PRKN: variants seen among roughly 807,000 people sequenced by gnomAD.
PRKN encodes parkin RBR E3 ubiquitin protein ligase, also known as E3 ubiquitin-protein ligase parkin.
A neutral mutation model predicts 59.5 loss-of-function variants in PRKN; 56 were observed. The observed-to-expected ratio is 0.94, with a 90% CI of 0.76 to 1.18. The LOEUF (loss-of-function observed/expected upper bound fraction) is 1.18. Ranked by LOEUF, PRKN falls within the 50% of genes most tolerant of loss-of-function variation. The probability of loss-of-function intolerance (pLI) is 0.00; values close to 1 mark genes in which losing one functional copy is unlikely to be tolerated. For synonymous variants in PRKN, 250 were observed against 222.1 expected (o/e 1.13, Z -1.12); for missense variants, 657 against 596.4 (o/e 1.10, Z -1.06).
intron 6 of PRKN, among the ~76,000 whole-genome samples, chr6:161,865,149 CA>C (rs2128225506): frequency 6.6e-6 from 1 of 152,282 alleles, no homozygotes; most frequent in East Asian, 1.9e-4. Flanking sequence ...TGACCAGGTA[CA>C]TTCTCAGTGA....
chr6:162,673,849 T>G (rs1269080533), intron 1 of PRKN, among the ~76,000 whole-genome samples: 1 of 152,224 alleles, frequency 6.6e-6, no homozygotes, highest in African/African-American at 2.4e-5. Context: ...ACTGCAAGTG[T>G]GGCGGAAGGC....
In PRKN at chr6:162,445,104, C is replaced by T. The variant is rs79657304; in HGVS notation, c.8-1631G>A. Among the ~76,000 whole-genome samples the T allele has an allele frequency of 2.6e-3, 392 of 152,144 alleles. 6 individuals carry two copies. The highest frequency in any genetic ancestry group is 0.025 in the South Asian group (118 of 4,808). On this transcript the variant is annotated intron_variant, in intron 1 of 11. Coordinates refer to ENST00000366898, the MANE Select transcript of PRKN (RefSeq NM_004562.3). ...ATTTCTCAATACCAATGTGAGATGA[C>T]CCACCTCATCATAATTATAATAATC...
rs541633649 is a variant in PRKN, at chr6:161,522,628, G to A, written c.1083+26226C>T. ...ACTGCAACAGCTTCGAGAAGTACAT[G>A]ACAGAAGACATTCTCACTGTCTTGA... On this transcript the variant is annotated intron_variant, in intron 9 of 11. Coordinates refer to ENST00000366898, the MANE Select transcript of PRKN (RefSeq NM_004562.3). Among the ~76,000 whole-genome samples, 4 of 152,356 alleles carry A rather than the reference G, an allele frequency of 2.6e-5. No individual in the cohort carries two copies. In the South Asian group the frequency reaches 6.2e-4, roughly 24 times the overall value.
chr6:162,091,348 A>G (rs1779486773), intron 4 of PRKN, among the ~76,000 whole-genome samples: 1 of 152,196 alleles, frequency 6.6e-6, no homozygotes, highest in Non-Finnish European at 1.5e-5. Context: ...AATACAGTTT[A>G]CTAATAGAGC....
At chr6:162,460,307 T>G (rs571193797) in intron 1 of PRKN, among the ~76,000 whole-genome samples, 55 of 152,260 alleles carry the variant, frequency 3.6e-4, no homozygotes, top group South Asian at 2.7e-3. Flanking sequence ...ATGTCTAGAG[T>G]TGGCAAATCT....
chr6:161,673,552 A>C (rs1173017211), intron 7 of PRKN, among the ~76,000 whole-genome samples: 1 of 152,216 alleles, frequency 6.6e-6, no homozygotes, highest in African/African-American at 2.4e-5. Flanking sequence ...GGAGCTGAGA[A>C]GCCATTGGAG....
At chr6:161,725,003 C>T (rs1179955842) in intron 7 of PRKN, among the ~76,000 whole-genome samples, 3 of 152,180 alleles carry the variant, frequency 2.0e-5, no homozygotes, top group Admixed American at 1.3e-4. Context: ...CACTGTCTTG[C>T]TCTTGCTCTC....
intron 2 of PRKN, among the ~76,000 whole-genome samples, chr6:162,324,665 T>C (rs1232809001): frequency 1.3e-5 from 2 of 152,056 alleles, no homozygotes; most frequent in African/African-American, 4.8e-5. Context: ...CTATAAACTC[T>C]AGTATATATA....
intron 6 of PRKN, among the ~76,000 whole-genome samples, chr6:161,952,053 T>C (rs541948328): frequency 1.3e-4 from 20 of 152,268 alleles, no homozygotes; most frequent in African/African-American, 4.8e-4. Context: ...GACAAGAATG[T>C]TGAAAATTTG....
intron 3 of PRKN, among the ~76,000 whole-genome samples, chr6:162,253,279 A>AAATCTAATCCAATCTAATCT (rs1554291283): frequency 2.0e-5 from 3 of 149,408 alleles, no homozygotes; most frequent in African/African-American, 7.5e-5. Context: ...AACAGGCAAC[A>AAATCTAATCCAATCTAATCT]AATCTAATCT....
chr6:161,673,195 A>G (rs1027365595), intron 7 of PRKN, among the ~76,000 whole-genome samples: 4 of 152,174 alleles, frequency 2.6e-5, no homozygotes, highest in Admixed American at 2.6e-4. Flanking sequence ...CTCATCCAAG[A>G]AGGCAAGACA....
At chr6:162,436,315 A>G (rs1033842039) in intron 2 of PRKN, among the ~76,000 whole-genome samples, 7 of 151,490 alleles carry the variant, frequency 4.6e-5, no homozygotes, top group Non-Finnish European at 2.9e-5. Flanking sequence ...TGTTTACTCT[A>G]TAACCACAGC....
At chr6:162,347,008 T>C (rs1784430255) in intron 2 of PRKN, among the ~76,000 whole-genome samples, 1 of 151,870 alleles carries the variant, frequency 6.6e-6, no homozygotes, top group Non-Finnish European at 1.5e-5. Flanking sequence ...TTATTCCTAA[T>C]ATTATTTGTG....
At chr6:162,291,436 C>A (rs758233778) in intron 2 of PRKN, among the ~76,000 whole-genome samples, 10 of 152,048 alleles carry the variant, frequency 6.6e-5, no homozygotes, top group Non-Finnish European at 1.3e-4. Context: ...TCGCAGGAAT[C>A]ATGCCACTTT....
At chr6:161,870,159 G>A (rs963848642) in intron 6 of PRKN, among the ~76,000 whole-genome samples, 1 of 152,128 alleles carries the variant, frequency 6.6e-6, no homozygotes, top group Admixed American at 6.6e-5. Flanking sequence ...CACGTTCAGG[G>A]TGGTATGGTC....
chr6:162,598,050 G>T (rs1022042728), intron 1 of PRKN, among the ~76,000 whole-genome samples: 1 of 152,132 alleles, frequency 6.6e-6, no homozygotes, highest in Non-Finnish European at 1.5e-5. Flanking sequence ...CGATGGAAAT[G>T]AATTCATTTC....
intron 5 of PRKN, among the ~76,000 whole-genome samples, chr6:162,024,194 C>CTTTTTT (rs111595639): frequency 1.2e-3 from 96 of 82,072 alleles, no homozygotes; most frequent in Non-Finnish European, 1.3e-3. Context: ...TCCCCCAACC[C>CTTTTTT]TTTTTTTTTT....
chr6:162,595,402 T>A (rs1443745325), intron 1 of PRKN, among the ~76,000 whole-genome samples: 1 of 151,812 alleles, frequency 6.6e-6, no homozygotes, highest in African/African-American at 2.4e-5. Flanking sequence ...ACTACAGATA[T>A]GTGCCACCAC....
intron 1 of PRKN, among the ~76,000 whole-genome samples, chr6:162,615,461 C>T (rs561397073): frequency 1.3e-5 from 2 of 151,572 alleles, no homozygotes; most frequent in Non-Finnish European, 2.9e-5. Context: ...TTTTTTTAGA[C>T]CTGCACACAG....
Sources: gnomAD v4.1 joint callset for allele counts (sites outside exome capture counted in the v4.1 genomes callset) on GRCh38, gnomAD v4.1.1 for gene constraint, MANE v1.5 for transcripts, NCBI Gene and HGNC (gene_info 2026-07-23, HGNC 2026-07-21) for gene names.